HSPA4L: variants seen among roughly 807,000 people sequenced by gnomAD.
The protein encoded by HSPA4L is heat shock protein family A (Hsp70) member 4 like.
A neutral mutation model predicts 100.3 loss-of-function variants in HSPA4L; 48 were observed. That is an observed-to-expected ratio of 0.48 (90% CI 0.38 to 0.61). HSPA4L has a LOEUF of 0.61. Ranked by LOEUF, HSPA4L falls within the 20% of genes least tolerant of loss-of-function variation. The pLI is 0.00. For synonymous variants in HSPA4L, 319 were observed against 328.2 expected, an observed-to-expected ratio of 0.97 and a Z score of 0.30; for missense variants, 886 against 988.6, an observed-to-expected ratio of 0.90 and a Z score of 1.39.
Position 127,839,623 on chromosome 4 carries a change from G to A in HSPA4L, c.*6749G>A, listed in dbSNP as rs1734316574. ...CAAGAGAATTGCTTGAACCCGGGAG[G>A]TGGAGGTCGCAGTGAGCTGAGATCC... On this transcript the variant is annotated 3_prime_UTR_variant, in exon 19 of 19. Coordinates refer to ENST00000296464, the MANE Select transcript of HSPA4L (RefSeq NM_014278.4). The A allele has an allele frequency of 6.6e-6, 1 of 151,984 alleles. No individual in the cohort carries two copies. The highest frequency in any genetic ancestry group is 2.1e-4 in the South Asian group (1 of 4,818). 9.4% of individuals were successfully genotyped at this position (151,984 alleles called of 1,614,324 possible). A position where few individuals can be genotyped will look rare whatever the true frequency, so the allele number is the denominator to read the frequency against.
chr4:127,805,988 A>G (rs1733347346), intron 10 of HSPA4L, among the ~76,000 whole-genome samples, 195 bp downstream of exon 10: 1 of 152,034 alleles, frequency 6.6e-6, no homozygotes, highest in African/African-American at 2.4e-5. Flanking sequence ...TGTTTTTTAT[A>G]AAAGTAAAAC....
At chr4:127,787,977 C>A (rs1732765223) in intron 1 of HSPA4L, among the ~76,000 whole-genome samples, 2 of 152,066 alleles carry the variant, frequency 1.3e-5, no homozygotes, top group Admixed American at 6.5e-5. Context: ...AGTTTGCAAA[C>A]TCCTGGTCTA....
chr4:127,811,875 A>G (rs1463252783), intron 12 of HSPA4L, among the ~76,000 whole-genome samples: 2 of 152,328 alleles, frequency 1.3e-5, no homozygotes, highest in African/African-American at 2.4e-5. Flanking sequence ...CTTTCATAGT[A>G]TTACATGGAG....
chr4:127,823,446 A>C (rs1290228201), intron 15 of HSPA4L, 71 bp from the exon 16 acceptor site: 3 of 1,069,282 alleles, frequency 2.8e-6, no homozygotes, highest in African/African-American at 3.1e-5. Flanking sequence ...ACTGCACTGC[A>C]CTGAGCCCAA....
chr4:127,809,554 G>A (rs1733468660), intron 11 of HSPA4L: 6 of 725,920 alleles, frequency 8.3e-6, no homozygotes, highest in Non-Finnish European at 1.2e-5. Flanking sequence ...TAGATGAACT[G>A]TGACTTTCAA....
At chr4:127,791,340 A>G (rs1203514462) in intron 1 of HSPA4L, among the ~76,000 whole-genome samples, 1 of 152,200 alleles carries the variant, frequency 6.6e-6, no homozygotes, top group Non-Finnish European at 1.5e-5. Context: ...CATAAAATAC[A>G]CTAACACTAA....
Position 127,808,105 on chromosome 4 carries a change from G to A in HSPA4L, c.1354G>A (p.Val452Met), listed in dbSNP as rs1733414885. The stretch of plus-strand genomic sequence containing the variant: ...AGCATTTTATACTAATTTACATGAA[G>A]TGCCTTATCCTGATGCAAGAATTGG... Reference protein sequence around the residue: ...LEAFYTNLHEVPYPDARIGSF... With the variant: ...LEAFYTNLHEMPYPDARIGSF... The change falls in exon 11 of 19, where the codon GTG becomes ATG. Residue 452 changes from valine (V) to methionine (M), a missense_variant. Physicochemically the swap from Val to Met is conservative, Grantham distance 21 (BLOSUM62 1). Transcript: ENST00000296464. 1.9e-6 allele frequency: 3 copies of A among 1,610,790 alleles called. No individual in the cohort carries two copies. The highest frequency in any genetic ancestry group is 2.7e-5 in the African/African-American group (2 of 74,760).
At chr4:127,822,983 A>C in intron 15 of HSPA4L, 89 bp downstream of exon 15, 13 of 1,320,550 alleles carry the variant, frequency 9.8e-6, no homozygotes, top group Non-Finnish European at 1.3e-5. Context: ...AAATGTACCA[A>C]ATGTTGTTAT....
At chr4:127,826,000 A>C (rs371421221) in intron 16 of HSPA4L, among the ~76,000 whole-genome samples, 19 of 152,222 alleles carry the variant, frequency 1.2e-4, no homozygotes, top group Middle Eastern at 3.4e-3. Context: ...TGGAAATCCC[A>C]GCAGTTCCTA....
At chr4:127,819,096 T>C (rs2148795541) in intron 13 of HSPA4L, among the ~76,000 whole-genome samples, 1 of 152,310 alleles carries the variant, frequency 6.6e-6, no homozygotes. Flanking sequence ...GAAAACATGT[T>C]AGCTGTACTC....
intron 14 of HSPA4L, among the ~76,000 whole-genome samples, chr4:127,820,800 C>T (rs1477522712): frequency 6.6e-6 from 1 of 152,066 alleles, no homozygotes; most frequent in Non-Finnish European, 1.5e-5. Flanking sequence ...TAGAGAAAGA[C>T]TTTTCTGAAA....
At chr4:127,800,323 C>T (rs1185945143) in intron 4 of HSPA4L, among the ~76,000 whole-genome samples, 1 of 151,690 alleles carries the variant, frequency 6.6e-6, no homozygotes, top group Non-Finnish European at 1.5e-5. Context: ...TTTTAACTAG[C>T]CAGGCATGGT....
Position 127,801,162 on chromosome 4 carries a change from G to A in HSPA4L, c.454G>A (p.Glu152Lys), listed in dbSNP as rs746237001. The A allele has an allele frequency of 3.7e-6, 6 of 1,612,040 alleles. No homozygotes were observed. The highest frequency in any genetic ancestry group is 2.2e-5 in the East Asian group (1 of 44,784). ...ISIPSFFTDA[E>K]RRSVMAAAQV... is the part of the protein sequence containing the mutation. ...GATTCCTAGCTTTTTTACTGATGCC[G>A]AGAGAAGATCTGTGATGGCTGCAGC... The change falls in exon 5 of 19, where the codon GAG (glutamate) becomes AAG (lysine). Residue 152 changes from glutamate (E) to lysine (K), a missense_variant. Transcript: ENST00000296464.
intron 11 of HSPA4L, among the ~76,000 whole-genome samples, chr4:127,810,362 G>T (rs567612889): frequency 2.0e-4 from 30 of 152,238 alleles, no homozygotes; most frequent in Non-Finnish European, 3.5e-4. Context: ...ATATTAGTTT[G>T]CTAGGGCTGC....
chr4:127,819,419 G>A (rs1168331952), intron 13 of HSPA4L, among the ~76,000 whole-genome samples: 1 of 152,080 alleles, frequency 6.6e-6, no homozygotes, highest in African/African-American at 2.4e-5. Context: ...GTTTTAAATT[G>A]TAGATTCTAA....
chr4:127,785,825 A>T (rs1470863592), intron 1 of HSPA4L, among the ~76,000 whole-genome samples: 1 of 152,222 alleles, frequency 6.6e-6, no homozygotes, highest in Non-Finnish European at 1.5e-5. Flanking sequence ...TTTAATCCAT[A>T]GCCTAATAAT....
At chr4:127,803,511 G>T in intron 6 of HSPA4L, 118 bp from the exon 7 acceptor site, 1 of 972,318 alleles carries the variant, frequency 1.0e-6, no homozygotes, top group Non-Finnish European at 1.5e-6. Context: ...CCCTGTGATT[G>T]GACAAGTTTT....
At position 127,782,343 on chromosome 4, in the gene HSPA4L, C is replaced by T; in HGVS notation, c.-208C>T. 1.8e-6 allele frequency: 1 copy of T among 552,638 alleles called. No homozygotes were observed. Among genetic ancestry groups the T allele is most frequent in the Non-Finnish European group, 3.2e-6 (1 of 309,078 alleles). The allele number at this position is 552,638 out of a possible 1,614,324, so 34.2% of individuals were successfully genotyped here. On this transcript the variant is annotated 5_prime_UTR_variant, in exon 1 of 19. Coordinates refer to ENST00000296464, the MANE Select transcript of HSPA4L (RefSeq NM_014278.4). ...CCGCAGTAGGGAAAGACCCAGGCTG[C>T]GGGACGCGGTGCAGGCTGCGGCGCT...
chr4:127,824,951 A>G (rs947837591), intron 16 of HSPA4L, among the ~76,000 whole-genome samples: 1 of 152,142 alleles, frequency 6.6e-6, no homozygotes, highest in Non-Finnish European at 1.5e-5. Context: ...CCTGGCTAAC[A>G]TGGTGAAACC....
Sources: allele counts gnomAD v4.1 joint callset (sites outside exome capture counted in the v4.1 genomes callset), GRCh38; gene constraint gnomAD v4.1.1; transcripts MANE v1.5; gene names NCBI Gene and HGNC (gene_info 2026-07-23, HGNC 2026-07-21).